IL1RAPL2: variants seen among roughly 807,000 people sequenced by gnomAD.
The protein encoded by IL1RAPL2 is interleukin 1 receptor accessory protein like 2.
IL1RAPL2 carries 3 observed loss-of-function variants against 44.1 expected under a neutral mutation model. That is an observed-to-expected ratio of 0.07 (90% CI 0.03 to 0.18). The LOEUF (loss-of-function observed/expected upper bound fraction) is 0.18, where lower values mean the gene tolerates loss of function less well. IL1RAPL2 is among the 10% of genes least tolerant of loss of function. The pLI, the probability that IL1RAPL2 is intolerant of heterozygous loss-of-function variation, is 1.00. For synonymous variants in IL1RAPL2, 181 were observed against 178.8 expected, an observed-to-expected ratio of 1.01 and a Z score of -0.10; for missense variants, 391 against 496.4, an observed-to-expected ratio of 0.79 and a Z score of 2.02.
chrX:104,630,991 C>T (rs1929635271), intron 1 of IL1RAPL2, among the ~76,000 whole-genome samples: 1 of 110,416 alleles, frequency 9.1e-6, no homozygotes, highest in Non-Finnish European at 1.9e-5. Flanking sequence ...CTACCCCCCT[C>T]CCACACCCCA....
At chrX:105,681,381 C>A (rs1370535101) in intron 6 of IL1RAPL2, among the ~76,000 whole-genome samples, 1 of 111,498 alleles carries the variant, frequency 9.0e-6, no homozygotes, top group Non-Finnish European at 1.9e-5. Flanking sequence ...ATGTTCTGAG[C>A]CCCAACAATA....
chrX:105,034,953 C>T (rs1213062844), intron 2 of IL1RAPL2, among the ~76,000 whole-genome samples: 22 of 111,634 alleles, frequency 2.0e-4, no homozygotes, highest in Non-Finnish European at 3.0e-4. Flanking sequence ...GGCGCCCCTC[C>T]CCCAGCCTGG....
rs550301587 is a variant in IL1RAPL2 at position 105,416,024 on chromosome X, A to C, written c.698-68289A>C. On this transcript the variant is annotated intron_variant, in intron 5 of 10. Coordinates refer to ENST00000372582, the MANE Select transcript of IL1RAPL2 (RefSeq NM_017416.2). ...TAATACCCAGGAAATGATGCTTTCAAAATTAAGATTGATCTACTCATTTCC... is the reference window on the plus strand; with the variant it reads ...TAATACCCAGGAAATGATGCTTTCACAATTAAGATTGATCTACTCATTTCC... Among the ~76,000 whole-genome samples the C allele has an allele frequency of 5.5e-4, 61 of 111,850 alleles. No homozygotes were observed. In the Middle Eastern group the frequency reaches 0.018, roughly 34 times the overall value.
intron 2 of IL1RAPL2, among the ~76,000 whole-genome samples, chrX:105,076,896 G>T (rs1167406590): frequency 9.0e-6 from 1 of 110,502 alleles, no homozygotes; most frequent in Non-Finnish European, 1.9e-5. Context: ...CATTTCCTTG[G>T]TAGATCTTCC....
At chrX:105,399,344 G>C (rs1355604529) in intron 5 of IL1RAPL2, among the ~76,000 whole-genome samples, 1 of 111,113 alleles carries the variant, frequency 9.0e-6, no homozygotes, top group East Asian at 2.8e-4. Flanking sequence ...CTTATAAGCA[G>C]TGTATAGGTC....
intron 6 of IL1RAPL2, among the ~76,000 whole-genome samples, chrX:105,665,218 G>T (rs1022132141): frequency 3.6e-5 from 4 of 111,353 alleles, no homozygotes; most frequent in Admixed American, 9.6e-5. Flanking sequence ...AACTGTAGTT[G>T]ATAATCAGTC....
chrX:104,920,635 T>C (rs1924610085), intron 2 of IL1RAPL2, among the ~76,000 whole-genome samples: 1 of 106,020 alleles, frequency 9.4e-6, no homozygotes, highest in Non-Finnish European at 1.9e-5. Flanking sequence ...GCCTAGCAGA[T>C]GCCAGTGCCA....
At chrX:104,813,334 A>G (rs1414761789) in intron 2 of IL1RAPL2, among the ~76,000 whole-genome samples, 3 of 111,492 alleles carry the variant, frequency 2.7e-5, no homozygotes, top group East Asian at 5.7e-4. Context: ...TCAGTGGAGC[A>G]TGGTGAACAA....
At chrX:105,560,886 T>C (rs1396887650) in intron 6 of IL1RAPL2, among the ~76,000 whole-genome samples, 1 of 110,134 alleles carries the variant, frequency 9.1e-6, no homozygotes, top group Non-Finnish European at 1.9e-5. Context: ...AATATGTTTA[T>C]ATTATATATA....
chrX:105,473,408 C>G (rs898277575), intron 5 of IL1RAPL2, among the ~76,000 whole-genome samples: 1 of 111,821 alleles, frequency 8.9e-6, no homozygotes, highest in African/African-American at 3.3e-5. Context: ...AGATCCCAAA[C>G]TAAGTAAGTC....
intron 1 of IL1RAPL2, among the ~76,000 whole-genome samples, chrX:104,634,150 A>G (rs1169249053): frequency 1.8e-5 from 2 of 111,203 alleles, no homozygotes; most frequent in South Asian, 3.9e-4. Context: ...GTAGTTGAGC[A>G]GTTTTGAGTG....
intron 2 of IL1RAPL2, among the ~76,000 whole-genome samples, chrX:105,173,458 G>A (rs1219060288): frequency 1.8e-5 from 2 of 111,751 alleles, no homozygotes; most frequent in Admixed American, 1.9e-4. Flanking sequence ...GTTGTCTGGT[G>A]GGAGGAAGGT....
At chrX:105,545,357 G>T (rs2147799995) in intron 6 of IL1RAPL2, among the ~76,000 whole-genome samples, 1 of 112,060 alleles carries the variant, frequency 8.9e-6, no homozygotes, top group South Asian at 3.7e-4. Flanking sequence ...GTTTTGTAAT[G>T]AAATGCAGGT....
intron 6 of IL1RAPL2, among the ~76,000 whole-genome samples, chrX:105,491,387 T>C (rs1298463067): frequency 9.0e-6 from 1 of 111,683 alleles, no homozygotes; most frequent in Non-Finnish European, 1.9e-5. Context: ...TAACTTGGTA[T>C]ATGCATTGTG....
At chrX:105,394,003 A>G (rs1569434233) in intron 5 of IL1RAPL2, among the ~76,000 whole-genome samples, 1 of 112,094 alleles carries the variant, frequency 8.9e-6, no homozygotes, top group Non-Finnish European at 1.9e-5. Flanking sequence ...AACCAGATTC[A>G]CAGTTGATCA....
intron 2 of IL1RAPL2, among the ~76,000 whole-genome samples, chrX:104,945,401 T>C (rs1341813270): frequency 2.7e-5 from 3 of 111,381 alleles, no homozygotes; most frequent in Admixed American, 9.6e-5. Context: ...ATTATCCTAC[T>C]GAGCCCTACA....
chrX:104,605,010 T>C (rs1928976274), intron 1 of IL1RAPL2, among the ~76,000 whole-genome samples: 1 of 111,624 alleles, frequency 9.0e-6, no homozygotes, highest in Non-Finnish European at 1.9e-5. Context: ...ATCAACAGAA[T>C]ATACATTCTT....
At chrX:104,713,901 A>G (rs1215231318) in intron 2 of IL1RAPL2, among the ~76,000 whole-genome samples, 1 of 111,278 alleles carries the variant, frequency 9.0e-6, no homozygotes, top group Non-Finnish European at 1.9e-5. Context: ...TTAAGGGGGC[A>G]GAGAGAAGCC....
rs200123489 is a variant in IL1RAPL2 at position 105,159,982 on chromosome X, A to ACCC, written c.83-35484_83-35482dup. On this transcript the variant is annotated intron_variant, in intron 2 of 10. Coordinates refer to ENST00000372582, the MANE Select transcript of IL1RAPL2 (RefSeq NM_017416.2). ...TAATTAGATACAGCTGACTTAAAGA[A>ACCC]CCCCCCCCCCCACTCCACCCCATTT... Among the ~76,000 whole-genome samples, 149 of 72,988 alleles carry ACCC rather than the reference A, an allele frequency of 2.0e-3. 3 individuals are homozygous for ACCC. The highest frequency in any genetic ancestry group is 7.5e-3 in the African/African-American group (140 of 18,681). 63.4% of individuals were successfully genotyped at this position (72,988 alleles called of 115,157 possible).
Sources: allele counts gnomAD v4.1 joint callset (sites outside exome capture counted in the v4.1 genomes callset), GRCh38; gene constraint gnomAD v4.1.1; transcripts MANE v1.5; gene names NCBI Gene and HGNC (gene_info 2026-07-23, HGNC 2026-07-21).